NTMT1: variants seen among roughly 807,000 people sequenced by gnomAD.
The protein encoded by NTMT1 is N-terminal RCC1 methyltransferase.
A neutral mutation model predicts 17.5 loss-of-function variants in NTMT1; 8 were observed. The observed-to-expected ratio is 0.46, with a 90% CI of 0.27 to 0.82. The LOEUF is 0.82. Among genes scored for constraint, NTMT1 ranks in the 40% least tolerant of loss-of-function variants. NTMT1 has a pLI of 0.15. For missense variants in NTMT1, 221 were observed against 303.5 expected (o/e 0.73, Z 2.02); for synonymous variants, 128 against 126.8 (o/e 1.01, Z -0.06).
chr9:129,615,379 C>T (rs1390156184), intron 1 of NTMT1: 2 of 1,252,852 alleles, frequency 1.6e-6, no homozygotes, highest in Non-Finnish European at 1.1e-6. Flanking sequence ...ATCTCTTGGC[C>T]TTTGCAAAGC....
upstream of NTMT1, among the ~76,000 whole-genome samples, chr9:129,624,596 C>T (rs573503152): frequency 1.3e-5 from 2 of 152,166 alleles, no homozygotes; most frequent in East Asian, 1.9e-4. Context: ...CTTCTGTGTG[C>T]GTCGCCCAGA....
intron 1 of NTMT1, chr9:129,612,316 T>C (rs1830132188): frequency 3.2e-6 from 5 of 1,572,758 alleles, no homozygotes; most frequent in Non-Finnish European, 4.4e-6. Flanking sequence ...GCCTGGCCCA[T>C]GTGTGCCCCT....
chr9:129,621,195 G>C (rs1830691641), upstream of NTMT1, among the ~76,000 whole-genome samples: 1 of 152,232 alleles, frequency 6.6e-6, no homozygotes, highest in Non-Finnish European at 1.5e-5. Flanking sequence ...ACCAGCTTGA[G>C]GGAAGAGAGA....
intron 2 of NTMT1, chr9:129,633,229 G>C (rs1229659747): frequency 2.5e-6 from 1 of 398,310 alleles, no homozygotes; most frequent in Non-Finnish European, 4.4e-6. Flanking sequence ...CTAGTTATGT[G>C]CCATGGTTTC....
chr9:129,616,257 T>C (rs1830371887), intron 1 of NTMT1, among the ~76,000 whole-genome samples: 1 of 152,196 alleles, frequency 6.6e-6, no homozygotes, highest in South Asian at 2.1e-4. Context: ...GCTCTGTGGC[T>C]CAGGCTGGAG....
chr9:129,612,830 A>T (rs963807826), intron 1 of NTMT1, among the ~76,000 whole-genome samples: 1 of 152,188 alleles, frequency 6.6e-6, no homozygotes, highest in Non-Finnish European at 1.5e-5. Flanking sequence ...ACTCTGTCTC[A>T]AAAAAGCAAA....
intron 1 of NTMT1, among the ~76,000 whole-genome samples, chr9:129,609,686 C>A (rs55700157): frequency 0.097 from 14,762 of 152,052 alleles, 855 homozygotes; most frequent in Middle Eastern, 0.18. Context: ...GGAGGGCCCC[C>A]GGGGAAGAGC....
upstream of NTMT1, among the ~76,000 whole-genome samples, chr9:129,624,155 C>A (rs1273826622): frequency 6.6e-6 from 1 of 152,112 alleles, no homozygotes; most frequent in East Asian, 1.9e-4. Context: ...TATCAAGGAA[C>A]TACTATGTGC....
intron 2 of NTMT1, chr9:129,633,757 C>T (rs1831331235): frequency 3.5e-6 from 1 of 283,012 alleles, no homozygotes; most frequent in Non-Finnish European, 6.6e-6. Flanking sequence ...GGCTTGAGCC[C>T]AGGAGTTCGA....
At chr9:129,615,456 C>T in intron 1 of NTMT1, 1 of 1,538,244 alleles carries the variant, frequency 6.5e-7, no homozygotes, top group Non-Finnish European at 8.8e-7. Context: ...TTTCGGGAGT[C>T]TCGAGGCTCC....
intron 1 of NTMT1, among the ~76,000 whole-genome samples, chr9:129,630,512 C>T (rs558101183): frequency 5.3e-5 from 8 of 152,316 alleles, no homozygotes; most frequent in East Asian, 3.9e-4. Context: ...CCAAAGGCCT[C>T]GTGCTCCTTC....
chr9:129,611,125 G>A (rs1029890523), intron 1 of NTMT1, among the ~76,000 whole-genome samples: 1 of 152,102 alleles, frequency 6.6e-6, no homozygotes, highest in African/African-American at 2.4e-5. Context: ...AACCCATCCC[G>A]GCCCTAAGGA....
At chr9:129,621,072 A>AACGGCATC (rs1488467555) in intron 1 of NTMT1, among the ~76,000 whole-genome samples, 1 of 152,240 alleles carries the variant, frequency 6.6e-6, no homozygotes, top group Non-Finnish European at 1.5e-5. Context: ...GCAGCCGTGA[A>AACGGCATC]ACGGCATCAC....
chr9:129,624,423 G>A (rs899468772), upstream of NTMT1, among the ~76,000 whole-genome samples: 9 of 152,152 alleles, frequency 5.9e-5, no homozygotes, highest in African/African-American at 2.2e-4. Context: ...CTTGGGAGAG[G>A]GGCTCAGACC....
In NTMT1 at chr9:129,635,433, T is replaced by C; in HGVS notation, c.641T>C (p.Ile214Thr). The C allele has an allele frequency of 6.2e-7, 1 of 1,613,222 alleles. No homozygotes were observed. Among genetic ancestry groups the C allele is most frequent in the Non-Finnish European group, 8.5e-7 (1 of 1,179,972 alleles). ...EERQENLPDE[I>T]YHVYSFALR ...AGGCAGGAGAACCTCCCCGATGAGA[T>C]CTACCATGTCTATAGCTTTGCCCTG... is the stretch of plus-strand genomic sequence containing the variant. The change falls in exon 4 of 4, where the codon ATC becomes ACC. Residue 214 changes from isoleucine to threonine, a missense_variant. Ile to Thr is a moderately conservative substitution (Grantham distance 89). Transcript: ENST00000372483.
chr9:129,622,793 C>T (rs573476056), upstream of NTMT1, among the ~76,000 whole-genome samples: 3 of 152,022 alleles, frequency 2.0e-5, no homozygotes, highest in Non-Finnish European at 2.9e-5. Flanking sequence ...TTTGGGAGAC[C>T]GAGGCAGGTG....
chr9:129,621,894 G>A (rs187341272), upstream of NTMT1, among the ~76,000 whole-genome samples: 7 of 152,160 alleles, frequency 4.6e-5, no homozygotes, highest in Non-Finnish European at 8.8e-5. Flanking sequence ...CAGGCAGGCT[G>A]TAGAGCCCAT....
chr9:129,610,895 A>T (rs1169107583), intron 1 of NTMT1, among the ~76,000 whole-genome samples: 3 of 152,066 alleles, frequency 2.0e-5, no homozygotes, highest in Non-Finnish European at 4.4e-5. Flanking sequence ...GACAGAAGGG[A>T]GGGGACGTCC....
upstream of NTMT1, among the ~76,000 whole-genome samples, chr9:129,621,812 G>A (rs1280926444): frequency 6.6e-6 from 1 of 152,060 alleles, no homozygotes; most frequent in African/African-American, 2.4e-5. Context: ...CTGACTCCTG[G>A]GCAGTGTCAC....
Sources: gnomAD v4.1 joint callset for allele counts (sites outside exome capture counted in the v4.1 genomes callset) on GRCh38, gnomAD v4.1.1 for gene constraint, MANE v1.5 for transcripts, NCBI Gene and HGNC (gene_info 2026-07-23, HGNC 2026-07-21) for gene names.